Variants in GET1 observed in about 807,000 individuals in gnomAD.
GET1 encodes guided entry of tail-anchored proteins factor 1.
Under a neutral mutation model 22.6 loss-of-function variants are expected in GET1, and 20 were observed. The ratio of observed to expected loss-of-function variants is 0.89; its 90% CI spans 0.62 to 1.29. The LOEUF (loss-of-function observed/expected upper bound fraction) is 1.29. Among genes scored for constraint, GET1 ranks in the 50% most tolerant of loss-of-function variants. GET1 has a pLI of 0.00. For missense variants in GET1, 209 were observed against 219.9 expected, an observed-to-expected ratio of 0.95 and a Z score of 0.31; for synonymous variants, 92 against 83.8, an observed-to-expected ratio of 1.10 and a Z score of -0.53.
downstream of GET1, among the ~76,000 whole-genome samples, chr21:39,411,529 G>A (rs771671602): frequency 2.1e-4 from 32 of 152,148 alleles, no homozygotes; most frequent in Non-Finnish European, 3.1e-4. Context: ...ATGGGAGAAC[G>A]GGAAAGCATT....
chr21:39,396,844 T>C, intron 4 of GET1, 22 bp from the exon 5 acceptor site: 1 of 1,612,910 alleles, frequency 6.2e-7, no homozygotes, highest in East Asian at 2.2e-5. Context: ...TGCGCTCTCA[T>C]GGTGAATGTC....
chr21:39,428,316 T>C, exon 2 of GET1: 1 of 1,613,586 alleles, frequency 6.2e-7, no homozygotes, highest in Non-Finnish European at 8.5e-7. Context: ...GAACTTAAAC[T>C]TCCACAGGAG....
rs375240839 is a variant in GET1, at chr21:39,390,692, T to G, written c.103-6T>G. On this transcript the variant is annotated splice_polypyrimidine_tract_variant and splice_region_variant and intron_variant, in intron 1 of 4. Transcript: ENST00000649170. ...AGGTGCTGATCCCCGTTGTCCGCCCTGCCAGATGTCCAGGGTGCTGCAGAA... is the reference window on the plus strand; with the variant it reads ...AGGTGCTGATCCCCGTTGTCCGCCCGGCCAGATGTCCAGGGTGCTGCAGAA... 1.2e-6 allele frequency: 2 copies of G among 1,613,910 alleles called. No homozygotes were observed. Among genetic ancestry groups the G allele is most frequent in the Non-Finnish European group, 1.7e-6 (2 of 1,179,958 alleles).
chr21:39,407,207 A>G (rs1361391943), downstream of GET1, among the ~76,000 whole-genome samples: 1 of 152,222 alleles, frequency 6.6e-6, no homozygotes, highest in Non-Finnish European at 1.5e-5. Flanking sequence ...AGCTTGGGCA[A>G]CAGAGCAGAG....
intron 4 of GET1, among the ~76,000 whole-genome samples, chr21:39,403,868 G>A (rs558392273): frequency 1.4e-4 from 22 of 152,256 alleles, no homozygotes; most frequent in African/African-American, 4.3e-4. Context: ...GTGATCGCCC[G>A]CCTCAGCCTC....
chr21:39,382,206 C>T (rs2146900570), intron 1 of GET1, among the ~76,000 whole-genome samples: 1 of 152,094 alleles, frequency 6.6e-6, no homozygotes, highest in East Asian at 1.9e-4. Flanking sequence ...CAGTACCTGC[C>T]ACCATGCCCG....
chr21:39,384,716 C>A (rs1054891382), intron 1 of GET1, among the ~76,000 whole-genome samples: 1 of 151,878 alleles, frequency 6.6e-6, no homozygotes, highest in Non-Finnish European at 1.5e-5. Context: ...TGATTGTCTC[C>A]CTCCCACCCC....
At chr21:39,395,114 ATCC>A (rs2146994609) in intron 4 of GET1, among the ~76,000 whole-genome samples, 1 of 152,172 alleles carries the variant, frequency 6.6e-6, no homozygotes, top group South Asian at 2.1e-4. Flanking sequence ...GCATCAAGCA[ATCC>A]TCCCTCCTCA....
chr21:39,405,171 T>C (rs2038977941), intron 4 of GET1, among the ~76,000 whole-genome samples: 2 of 152,140 alleles, frequency 1.3e-5, no homozygotes, highest in African/African-American at 4.8e-5. Flanking sequence ...TTTGATCATA[T>C]TGTTCCCTTT....
Position 39,427,662 on chromosome 21 carries a change from CAA to C in GET1, c.*24-553_*24-552del, listed in dbSNP as rs201955094. On this transcript the variant is annotated intron_variant, in intron 1 of 1. Coordinates refer to the GET1 transcript ENST00000478273. ...GGGTAACCAGAGCAAGACTCTGTCT[CAA>C]AAAAAAAAAAAAAAAATCTACAAAG... 352 of 94,704 alleles carry C rather than the reference CAA, an allele frequency of 3.7e-3. 4 individuals are homozygous for C. Among genetic ancestry groups the C allele is most frequent in the African/African-American group, 0.011 (296 of 26,368 alleles). 5.9% of individuals were successfully genotyped at this position (94,704 alleles called of 1,614,324 possible).
chr21:39,403,034 T>C (rs1039705616), intron 4 of GET1, among the ~76,000 whole-genome samples: 16 of 152,212 alleles, frequency 1.1e-4, no homozygotes, highest in African/African-American at 3.9e-4. Flanking sequence ...TGGGTGGGCA[T>C]AAGAAAAGAT....
At chr21:39,413,691 A>C (rs972979643) in intron 1 of GET1, 1 of 152,238 alleles carries the variant, frequency 6.6e-6, no homozygotes, top group African/African-American at 2.4e-5. Context: ...ACAGTTCATC[A>C]CCATGAAAAG....
At chr21:39,383,744 A>C (rs1283384186) in intron 1 of GET1, among the ~76,000 whole-genome samples, 1 of 150,268 alleles carries the variant, frequency 6.7e-6, no homozygotes, top group African/African-American at 2.5e-5. Context: ...GCGCCCAGCT[A>C]ATTTTTATTT....
chr21:39,393,646 T>C (rs1273387683), intron 4 of GET1, among the ~76,000 whole-genome samples: 1 of 152,146 alleles, frequency 6.6e-6, no homozygotes, highest in Admixed American at 6.5e-5. Context: ...TCCTGGCTAT[T>C]CTTTTATTTT....
At position 39,396,870 on chromosome 21, in the gene GET1, T is replaced by C. The variant is rs1304063311; in HGVS notation, c.456T>C (p.Gly152=). Residue 152 remains glycine, a synonymous_variant, in exon 5 of 5, where the codon GGT becomes GGC. Coordinates refer to ENST00000649170, the MANE Select transcript of GET1 (RefSeq NM_004627.6). ...GGTGAATGTCTTTGTTTTCAGGTGGTGTTGGAATTACCTGTTGGATTTTAG... is the reference window on the plus strand; with the variant it reads ...GGTGAATGTCTTTGTTTTCAGGTGGCGTTGGAATTACCTGTTGGATTTTAG... ...LVAFPTRVAG[G]VGITCWILVC... The C allele has an allele frequency of 6.2e-7, 1 of 1,613,948 alleles. No individual in the cohort carries two copies. The highest frequency in any genetic ancestry group is 2.2e-5 in the East Asian group (1 of 44,872).
chr21:39,381,268 C>T (rs904752465), intron 1 of GET1, among the ~76,000 whole-genome samples: 1 of 152,014 alleles, frequency 6.6e-6, no homozygotes, highest in East Asian at 1.9e-4. Flanking sequence ...GAACTGTCCC[C>T]GAGAATGAGC....
rs777569087 is a variant in GET1, at chr21:39,393,225, G to A, written c.396G>A (p.Pro132=). Residue 132 remains proline, a synonymous_variant, in exon 4 of 5, where the codon CCG becomes CCA. Coordinates refer to ENST00000649170, the MANE Select transcript of GET1 (RefSeq NM_004627.6). The stretch of plus-strand genomic sequence containing the variant: ...ATTCTGTCCCTGTGGCTGTCGTGCC[G>A]AGTAAATGGATAACCCCTCTAGACC... ...KYYSVPVAVV[P]SKWITPLDRL... is the part of the protein sequence containing the mutation. 5 of 1,614,196 alleles carry A rather than the reference G, an allele frequency of 3.1e-6. No homozygotes were observed. In the South Asian group the frequency reaches 3.3e-5, roughly 11 times the overall value.
At chr21:39,424,969 A>G (rs1308720664) in intron 1 of GET1, among the ~76,000 whole-genome samples, 1 of 152,218 alleles carries the variant, frequency 6.6e-6, no homozygotes, top group Non-Finnish European at 1.5e-5. Flanking sequence ...CACAGCTAGG[A>G]AGTGGTGAGA....
At chr21:39,422,778 A>C (rs1304403950) in intron 1 of GET1, 2 of 591,192 alleles carry the variant, frequency 3.4e-6, no homozygotes, top group Non-Finnish European at 5.9e-6. Flanking sequence ...GAACATTTCT[A>C]GTTTGAGCTG....
Sources: allele counts gnomAD v4.1 joint callset (sites outside exome capture counted in the v4.1 genomes callset), GRCh38; gene constraint gnomAD v4.1.1; transcripts MANE v1.5; gene names NCBI Gene and HGNC (gene_info 2026-07-23, HGNC 2026-07-21).